The following ROR2 variants were observed in gnomAD, a reference collection of about 807,000 sequenced individuals.
The protein encoded by ROR2 is tyrosine-protein kinase transmembrane receptor ROR2.
A neutral mutation model predicts 74.9 loss-of-function variants in ROR2; 33 were observed. That is an observed-to-expected ratio of 0.44 (90% CI 0.33 to 0.59). ROR2 has a LOEUF of 0.59. Among genes scored for constraint, ROR2 ranks in the 20% least tolerant of loss-of-function variants. The pLI, the probability that ROR2 is intolerant of heterozygous loss-of-function variation, is 0.02. For missense variants in ROR2, 1,216 were observed against 1,313.8 expected (o/e 0.93, Z 1.15); for synonymous variants, 586 against 558.7 (o/e 1.05, Z -0.69).
intron 1 of ROR2, among the ~76,000 whole-genome samples, chr9:91,813,184 T>C (rs552671193): frequency 7.9e-5 from 12 of 152,020 alleles, no homozygotes; most frequent in Non-Finnish European, 1.5e-4. Context: ...AAAGGAAATA[T>C]AACAAAGATC....
chr9:91,835,308 A>T (rs1357085631), intron 1 of ROR2, among the ~76,000 whole-genome samples: 1 of 152,232 alleles, frequency 6.6e-6, no homozygotes, highest in Non-Finnish European at 1.5e-5. Flanking sequence ...CCTCTGTCTT[A>T]AAACACTTCC....
intron 1 of ROR2, among the ~76,000 whole-genome samples, chr9:91,860,927 A>G (rs1425388105): frequency 6.6e-6 from 1 of 152,202 alleles, no homozygotes; most frequent in East Asian, 1.9e-4. Flanking sequence ...TACAAAACGA[A>G]TATACAAAAA....
At chr9:91,930,350 C>T (rs879456143) in intron 1 of ROR2, among the ~76,000 whole-genome samples, 3 of 152,218 alleles carry the variant, frequency 2.0e-5, no homozygotes, top group Admixed American at 6.5e-5. Context: ...CTTCTTTCCA[C>T]GCATTTACCC....
intron 1 of ROR2, among the ~76,000 whole-genome samples, chr9:91,863,146 G>A (rs192971921): frequency 1.3e-5 from 2 of 152,290 alleles, no homozygotes; most frequent in Admixed American, 1.3e-4. Flanking sequence ...ACAGCGCTGG[G>A]GCAAACAATC....
chr9:91,943,921 G>A (rs751324348), intron 1 of ROR2, among the ~76,000 whole-genome samples: 1 of 152,128 alleles, frequency 6.6e-6, no homozygotes, highest in Non-Finnish European at 1.5e-5. Context: ...AGCCATATAC[G>A]ACAAGCCCAG....
At chr9:91,948,032 A>G (rs1832059213) in intron 1 of ROR2, among the ~76,000 whole-genome samples, 1 of 147,666 alleles carries the variant, frequency 6.8e-6, no homozygotes, top group Admixed American at 6.8e-5. Context: ...AATTAAAGAA[A>G]ACGACTCCAA....
At chr9:91,750,278 T>TTA (rs1825559184) in intron 4 of ROR2, among the ~76,000 whole-genome samples, 2 of 152,254 alleles carry the variant, frequency 1.3e-5, no homozygotes, top group Admixed American at 1.3e-4. Context: ...TTTTCTATAA[T>TTA]GTCACGACAA....
chr9:91,785,062 G>A (rs1826749843), intron 1 of ROR2, among the ~76,000 whole-genome samples: 1 of 152,014 alleles, frequency 6.6e-6, no homozygotes, highest in Non-Finnish European at 1.5e-5. Flanking sequence ...CCCTTCACTA[G>A]CCCTACACAC....
rs564991479 is a variant in ROR2 at position 91,776,089 on chromosome 9, G to A, written c.98-271C>T. ...TATGGAAATAAGTCAGTGGAGCCTG[G>A]GCTTCATTCAGAGAGGGACAGAGAG... On this transcript the variant is annotated intron_variant, in intron 1 of 8. Transcript: ENST00000375708. Among the ~76,000 whole-genome samples the A allele has an allele frequency of 4.6e-5, 7 of 152,258 alleles. No individual in the cohort carries two copies. The South Asian group carries it at 1.5e-3, about 32-fold the overall frequency.
chr9:91,890,138 T>C (rs1433049990), intron 1 of ROR2, among the ~76,000 whole-genome samples: 1 of 152,222 alleles, frequency 6.6e-6, no homozygotes, highest in Non-Finnish European at 1.5e-5. Context: ...TGGCAACTTC[T>C]TTCCCTCTTT....
At chr9:91,834,775 G>A (rs1356461251) in intron 1 of ROR2, among the ~76,000 whole-genome samples, 1 of 152,200 alleles carries the variant, frequency 6.6e-6, no homozygotes, top group Admixed American at 6.5e-5. Context: ...TGAAACCAAG[G>A]AAGGTGTGGC....
chr9:91,892,283 C>T (rs936916848), intron 1 of ROR2, among the ~76,000 whole-genome samples: 1 of 152,176 alleles, frequency 6.6e-6, no homozygotes, highest in East Asian at 1.9e-4. Flanking sequence ...GTAAGTGCAC[C>T]GGCAGGTGGG....
Position 91,902,737 on chromosome 9 carries a change from T to C in ROR2, c.97+47130A>G, listed in dbSNP as rs917220958. Among the ~76,000 whole-genome samples, 61 of 152,242 alleles carry C rather than the reference T, an allele frequency of 4.0e-4. 1 individual carries two copies. The highest frequency in any genetic ancestry group is 4.0e-3 in the Admixed American group (61 of 15,286). ...GCATGGAGTTAATATGTAAACATTTTATCTGCACTGGCAAAACAAATGACT... is the reference window on the plus strand; with the variant it reads ...GCATGGAGTTAATATGTAAACATTTCATCTGCACTGGCAAAACAAATGACT... On this transcript the variant is annotated intron_variant, in intron 1 of 8. Coordinates refer to ENST00000375708, the MANE Select transcript of ROR2 (RefSeq NM_004560.4).
chr9:91,751,329 T>G (rs1825591008), intron 4 of ROR2, among the ~76,000 whole-genome samples: 1 of 151,754 alleles, frequency 6.6e-6, no homozygotes, highest in Admixed American at 6.6e-5. Flanking sequence ...CACATCAACC[T>G]CCCAAAAAAA....
intron 1 of ROR2, among the ~76,000 whole-genome samples, chr9:91,933,132 C>CA (rs888063075): frequency 1.3e-4 from 19 of 151,822 alleles, no homozygotes; most frequent in African/African-American, 4.6e-4. Flanking sequence ...CTAACACGGT[C>CA]AAACTCCGTC....
intron 4 of ROR2, among the ~76,000 whole-genome samples, chr9:91,752,035 T>C (rs1825609725): frequency 1.3e-5 from 2 of 152,168 alleles, no homozygotes; most frequent in African/African-American, 2.4e-5. Context: ...TGGAATGATA[T>C]AAAAAATCAC....
chr9:91,792,498 C>T (rs1171742575), intron 1 of ROR2, among the ~76,000 whole-genome samples: 1 of 152,026 alleles, frequency 6.6e-6, no homozygotes, highest in African/African-American at 2.4e-5. Flanking sequence ...TTAGTAGACA[C>T]TGGGTTTCAC....
intron 1 of ROR2, among the ~76,000 whole-genome samples, chr9:91,867,043 C>T (rs1303693236): frequency 6.6e-6 from 1 of 152,188 alleles, no homozygotes; most frequent in East Asian, 1.9e-4. Flanking sequence ...TACATACAGT[C>T]GGCATATTCT....
At chr9:91,777,615 TG>T (rs1293762350) in intron 1 of ROR2, among the ~76,000 whole-genome samples, 1 of 152,100 alleles carries the variant, frequency 6.6e-6, no homozygotes, top group Non-Finnish European at 1.5e-5. Flanking sequence ...CTCAAGGTTG[TG>T]CAACGATCAC....
Sources: allele counts gnomAD v4.1 joint callset (sites outside exome capture counted in the v4.1 genomes callset), GRCh38; gene constraint gnomAD v4.1.1; transcripts MANE v1.5; gene names NCBI Gene and HGNC (gene_info 2026-07-23, HGNC 2026-07-21).